SAMD7: variants seen among roughly 807,000 people sequenced by gnomAD.
SAMD7 encodes sterile alpha motif domain containing 7.
A neutral mutation model predicts 36.7 loss-of-function variants in SAMD7; 34 were observed. That is an observed-to-expected ratio of 0.93 (90% CI 0.71 to 1.23). The LOEUF (loss-of-function observed/expected upper bound fraction) is 1.23, where lower values mean the gene tolerates loss of function less well. Ranked by LOEUF, SAMD7 falls within the 50% of genes most tolerant of loss-of-function variation. SAMD7 has a pLI of 0.00. For synonymous variants in SAMD7, 188 were observed against 189.7 expected, an observed-to-expected ratio of 0.99 and a Z score of 0.07; for missense variants, 570 against 546.6, an observed-to-expected ratio of 1.04 and a Z score of -0.43.
At position 169,925,097 on chromosome 3, in the gene SAMD7, C is replaced by G; in HGVS notation, c.251C>G (p.Ala84Gly). The G allele has an allele frequency of 3.7e-6, 6 of 1,611,046 alleles. No individual in the cohort carries two copies. The highest frequency in any genetic ancestry group is 5.1e-6 in the Non-Finnish European group (6 of 1,178,558). ...ILPPESIKAV[A>G]RRNEMIQRHH... ...CCACCTGAATCCATAAAGGCAGTGG[C>G]CAGAAGGAATGAAATGATTCAACGG... Residue 84 changes from alanine (A) to glycine (G), a missense_variant, in exon 5 of 9, where the codon GCC becomes GGC. Coordinates refer to ENST00000335556, the MANE Select transcript of SAMD7 (RefSeq NM_001304366.2).
intron 5 of SAMD7, 192 bp from the exon 6 acceptor site, chr3:169,926,361 G>T: frequency 1.6e-6 from 2 of 1,228,880 alleles, no homozygotes; most frequent in Non-Finnish European, 2.2e-6. Flanking sequence ...GACTTCCATT[G>T]TGAGACTCAG....
In SAMD7 at chr3:169,926,854, G is replaced by C. The variant is rs749281246; in HGVS notation, c.592G>C (p.Ala198Pro). 1 of 1,613,878 alleles carries C rather than the reference G, an allele frequency of 6.2e-7. No individual in the cohort carries two copies. Residue 198 changes from alanine to proline, a missense_variant, in exon 6 of 9, where the codon GCT (alanine) becomes CCT (proline). Ala to Pro is a conservative substitution (Grantham distance 27). Transcript: ENST00000335556. The part of the protein sequence containing the change: ...TGNQKALDSD[A>P]ESSKSQAEEK... ...GAATCAAAAAGCTCTAGACAGTGATGCTGAGAGTTCCAAAAGTCAAGCAGA... is the reference window on the plus strand; with the variant it reads ...GAATCAAAAAGCTCTAGACAGTGATCCTGAGAGTTCCAAAAGTCAAGCAGA...
chr3:169,933,480 A>T (rs1244427721), intron 7 of SAMD7, among the ~76,000 whole-genome samples: 1 of 152,212 alleles, frequency 6.6e-6, no homozygotes, highest in Non-Finnish European at 1.5e-5. Flanking sequence ...CCATTCTAGC[A>T]ATAGGCATCA....
chr3:169,924,176 T>C (rs1713162064), intron 4 of SAMD7, among the ~76,000 whole-genome samples: 1 of 151,920 alleles, frequency 6.6e-6, no homozygotes, highest in South Asian at 2.1e-4. Flanking sequence ...ATCTAACTCC[T>C]TGATTTTACA....
At chr3:169,912,039 A>G (rs1176954435) in intron 1 of SAMD7, among the ~76,000 whole-genome samples, 1 of 152,226 alleles carries the variant, frequency 6.6e-6, no homozygotes, top group Non-Finnish European at 1.5e-5. Context: ...CTCCTACCAA[A>G]TAAACACTGC....
At chr3:169,915,894 A>T (rs1196631999) in intron 2 of SAMD7, among the ~76,000 whole-genome samples, 1 of 152,044 alleles carries the variant, frequency 6.6e-6, no homozygotes, top group Non-Finnish European at 1.5e-5. Context: ...CTATATTTTT[A>T]AAAATACCCT....
Position 169,938,480 on chromosome 3 carries a change from A to G in SAMD7, c.1315A>G (p.Ile439Val), listed in dbSNP as rs1713803640. Residue 439 changes from isoleucine to valine, a missense_variant, in exon 9 of 9, where the codon ATT becomes GTT. By Grantham distance (29) the Ile-to-Val change is conservative. Transcript: ENST00000335556. The part of the protein sequence containing the change: ...CPQDTIIPKG[I>V]ERGSMRN Reference sequence around the variant, plus strand: ...CCAGGATACAATAATTCCTAAAGGAATTGAGCGAGGTAGTATGAGAAACTA... The same window carrying G: ...CCAGGATACAATAATTCCTAAAGGAGTTGAGCGAGGTAGTATGAGAAACTA... 1.2e-6 allele frequency: 2 copies of G among 1,612,354 alleles called. No homozygotes were observed. The highest frequency in any genetic ancestry group is 8.5e-7 in the Non-Finnish European group (1 of 1,178,832).
chr3:169,916,512 G>T (rs1482173010), intron 2 of SAMD7, among the ~76,000 whole-genome samples: 1 of 152,144 alleles, frequency 6.6e-6, no homozygotes, highest in Non-Finnish European at 1.5e-5. Flanking sequence ...GCCGAGCGTG[G>T]TGGTGAGTGC....
intron 5 of SAMD7, 138 bp from the exon 6 acceptor site, chr3:169,926,415 T>G: frequency 2.6e-6 from 3 of 1,160,132 alleles, no homozygotes; most frequent in Non-Finnish European, 3.5e-6. Context: ...CCCAGTGGCT[T>G]TGTGGGGGAT....
intron 2 of SAMD7, among the ~76,000 whole-genome samples, chr3:169,918,544 A>G (rs1191829702): frequency 6.6e-6 from 1 of 152,236 alleles, no homozygotes; most frequent in African/African-American, 2.4e-5. Flanking sequence ...AGAAAATGTC[A>G]GGAAAAATGT....
intron 6 of SAMD7, among the ~76,000 whole-genome samples, chr3:169,928,191 G>A (rs1358235820): frequency 6.6e-6 from 1 of 152,166 alleles, no homozygotes; most frequent in Admixed American, 6.5e-5. Flanking sequence ...TAGAATCCAT[G>A]GGGCATTTCT....
chr3:169,919,604 T>A lies in SAMD7; in HGVS notation c.86+20T>A, dbSNP rs775876405. The A allele has an allele frequency of 1.3e-6, 2 of 1,548,876 alleles. No individual in the cohort carries two copies. The highest frequency in any genetic ancestry group is 1.7e-4 in the Middle Eastern group (1 of 5,942). On this transcript the variant is annotated intron_variant, in intron 3 of 8. Transcript: ENST00000335556. ...GGACAGGTATTTCTCTTCAATATAA[T>A]AGTTTGATCAAAGAACAACATGGAC...
intron 5 of SAMD7, 67 bp from the exon 6 acceptor site, chr3:169,926,486 G>C: frequency 6.9e-7 from 1 of 1,453,802 alleles, no homozygotes; most frequent in Non-Finnish European, 9.3e-7. Flanking sequence ...GGGAAGACAA[G>C]GGGTCATTAA....
At chr3:169,928,629 T>G (rs1431192821) in intron 7 of SAMD7, 51 bp downstream of exon 7, 2 of 1,579,194 alleles carry the variant, frequency 1.3e-6, no homozygotes, top group Admixed American at 1.7e-5. Context: ...TTGAAATATC[T>G]TTCCTGCATA....
intron 6 of SAMD7, 104 bp downstream of exon 6, chr3:169,927,285 C>CTTTTTTTTTTT (rs71634451): frequency 1.5e-5 from 2 of 137,276 alleles, no homozygotes; most frequent in Admixed American, 1.2e-4. Flanking sequence ...TTTTATCTTT[C>CTTTTTTTTTTT]TTTTTTTTTT....
chr3:169,927,263 C>A, intron 6 of SAMD7, 82 bp downstream of exon 6: 1 of 691,630 alleles, frequency 1.4e-6, no homozygotes, highest in Non-Finnish European at 2.2e-6. Flanking sequence ...AAACTGTAAC[C>A]ATCCTGCCTC....
At chr3:169,930,584 T>C (rs1037916096) in intron 7 of SAMD7, among the ~76,000 whole-genome samples, 1 of 145,158 alleles carries the variant, frequency 6.9e-6, no homozygotes, top group Non-Finnish European at 1.5e-5. Flanking sequence ...TTTTCTTTTT[T>C]TTTTTTTTTT....
chr3:169,929,250 A>G (rs1713393822), intron 7 of SAMD7, among the ~76,000 whole-genome samples: 1 of 152,158 alleles, frequency 6.6e-6, no homozygotes, highest in Admixed American at 6.5e-5. Context: ...CTACATTTTC[A>G]TGCATTTAGT....
intron 1 of SAMD7, among the ~76,000 whole-genome samples, chr3:169,915,159 C>T (rs992614795): frequency 2.0e-5 from 3 of 152,226 alleles, no homozygotes; most frequent in African/African-American, 7.2e-5. Flanking sequence ...CTTTGCCCTT[C>T]ATGAGGACAA....
Sources: gnomAD v4.1 joint callset for allele counts (sites outside exome capture counted in the v4.1 genomes callset) on GRCh38, gnomAD v4.1.1 for gene constraint, MANE v1.5 for transcripts, NCBI Gene and HGNC (gene_info 2026-07-23, HGNC 2026-07-21) for gene names.